RGS6: variants seen among roughly 807,000 people sequenced by gnomAD.
RGS6 encodes regulator of G-protein signaling 6.
Under a neutral mutation model 78.5 loss-of-function variants are expected in RGS6, and 30 were observed. That is an observed-to-expected ratio of 0.38 (90% CI 0.29 to 0.52). RGS6 has a LOEUF of 0.52. RGS6 is among the 20% of genes least tolerant of loss of function. The pLI, the probability that RGS6 is intolerant of heterozygous loss-of-function variation, is 0.85. For missense variants in RGS6, 495 were observed against 609.7 expected (o/e 0.81, Z 1.98); for synonymous variants, 206 against 206.0 (o/e 1.00, Z 0.00).
At chr14:72,561,025 T>C (rs1392562191) in intron 17 of RGS6, among the ~76,000 whole-genome samples, 9 of 151,568 alleles carry the variant, frequency 5.9e-5, no homozygotes, top group Admixed American at 5.2e-4. Flanking sequence ...AGGCTGGCCA[T>C]GCCTCTCCAT....
chr14:72,386,855 A>T lies in RGS6; in HGVS notation c.184+34661A>T, dbSNP rs76620914. On this transcript the variant is annotated intron_variant, in intron 3 of 17. Transcript: ENST00000553525. Reference sequence around the variant, plus strand: ...ATGCCATTCACTTGAAATTCTAAAAAAGGGCAAAACTATGTTGACAGAAAA... The same window carrying T: ...ATGCCATTCACTTGAAATTCTAAAATAGGGCAAAACTATGTTGACAGAAAA... Among the ~76,000 whole-genome samples the T allele has an allele frequency of 1.6e-3, 251 of 152,340 alleles. 2 individuals carry two copies. The highest frequency in any genetic ancestry group is 5.7e-3 in the African/African-American group (238 of 41,570).
At chr14:71,896,203 A>G in the RGS6 span, among the ~76,000 whole-genome samples, 7 of 152,206 alleles carry the variant, frequency 4.6e-5, no homozygotes, top group African/African-American at 1.7e-4. Context: ...AACTCCACAG[A>G]GTAAAGTGAA....
At chr14:72,279,783 G>T (rs1019830937) in intron 2 of RGS6, among the ~76,000 whole-genome samples, 3 of 152,154 alleles carry the variant, frequency 2.0e-5, no homozygotes, top group African/African-American at 7.2e-5. Flanking sequence ...GACAAGGGTG[G>T]CAATTGAGAT....
chr14:71,922,787 T>G, the RGS6 span, among the ~76,000 whole-genome samples: 2 of 152,154 alleles, frequency 1.3e-5, no homozygotes, highest in Non-Finnish European at 2.9e-5. Flanking sequence ...GGCCAGGTAT[T>G]TTGTAGACTG....
At position 72,387,962 on chromosome 14, in the gene RGS6, T is replaced by C. The variant is rs113477613; in HGVS notation, c.184+35768T>C. Among the ~76,000 whole-genome samples the C allele has an allele frequency of 3.0e-3, 459 of 152,326 alleles. 3 individuals carry two copies. Among genetic ancestry groups the C allele is most frequent in the African/African-American group, 0.011 (445 of 41,572 alleles). On this transcript the variant is annotated intron_variant, in intron 3 of 17. Transcript: ENST00000553525. ...GTGTCTGCATCCAAACTTCCTCTTC[T>C]TGTGGGGACACCAGTCATACTGGAT...
chr14:72,297,812 T>G (rs1384904244), intron 2 of RGS6, among the ~76,000 whole-genome samples: 1 of 152,056 alleles, frequency 6.6e-6, no homozygotes, highest in African/African-American at 2.4e-5. Context: ...TTTGAGGTTT[T>G]CAGTATATAT....
chr14:71,922,102 G>C, the RGS6 span, among the ~76,000 whole-genome samples: 2 of 152,142 alleles, frequency 1.3e-5, no homozygotes, highest in African/African-American at 4.8e-5. Flanking sequence ...GACCTAACAG[G>C]GTTCCAGACC....
intron 2 of RGS6, among the ~76,000 whole-genome samples, chr14:72,080,743 C>T (rs2094786947): frequency 6.6e-6 from 1 of 152,038 alleles, no homozygotes; most frequent in South Asian, 2.1e-4. Flanking sequence ...TGTGGATATC[C>T]AGTTTTCCCA....
At chr14:72,343,976 C>A (rs186062636) in intron 2 of RGS6, among the ~76,000 whole-genome samples, 2 of 152,186 alleles carry the variant, frequency 1.3e-5, no homozygotes, top group Non-Finnish European at 2.9e-5. Context: ...TGGCCATCTG[C>A]GGTCAGAGAT....
At chr14:72,250,310 G>T (rs948984802) in intron 2 of RGS6, among the ~76,000 whole-genome samples, 3 of 147,136 alleles carry the variant, frequency 2.0e-5, no homozygotes, top group Non-Finnish European at 4.5e-5. Flanking sequence ...TCTCTTTAAG[G>T]AAATTTTCCT....
chr14:72,480,240 T>C (rs1168692158), intron 12 of RGS6, among the ~76,000 whole-genome samples: 1 of 152,212 alleles, frequency 6.6e-6, no homozygotes, highest in Non-Finnish European at 1.5e-5. Context: ...CAATTTGTTA[T>C]ATCTTTGGGA....
the RGS6 span, among the ~76,000 whole-genome samples, chr14:71,919,084 T>G: frequency 6.6e-6 from 1 of 152,152 alleles, no homozygotes; most frequent in African/African-American, 2.4e-5. Flanking sequence ...GCTTTCTTCC[T>G]TTGTGCTCAT....
rs558384886 is a variant in RGS6 at position 72,293,866 on chromosome 14, A to C, written c.85-58229A>C. ...TATAGCACCAAAGTAGCCACAAATA[A>C]TAGTAAACAAATGGGCATGGCTCTG... On this transcript the variant is annotated intron_variant, in intron 2 of 17. Coordinates refer to ENST00000553525, the MANE Select transcript of RGS6 (RefSeq NM_001204424.2). Among the ~76,000 whole-genome samples, 17 of 152,366 alleles carry C rather than the reference A, an allele frequency of 1.1e-4. No individual in the cohort carries two copies. The East Asian group carries it at 3.3e-3, about 29-fold the overall frequency.
intron 1 of RGS6, among the ~76,000 whole-genome samples, chr14:71,951,835 C>T (rs2092349682): frequency 6.6e-6 from 1 of 151,992 alleles, no homozygotes; most frequent in African/African-American, 2.4e-5. Context: ...AATATATATT[C>T]CTAGTATTTG....
Position 72,196,906 on chromosome 14 carries a change from T to C in RGS6, c.85-155189T>C, listed in dbSNP as rs147484513. 3.2e-4 allele frequency among the ~76,000 whole-genome samples: 49 copies of C among 152,330 alleles called. 1 individual carries two copies. Among genetic ancestry groups the C allele is most frequent in the African/African-American group, 1.1e-3 (45 of 41,576 alleles). On this transcript the variant is annotated intron_variant, in intron 2 of 17. Transcript: ENST00000553525. ...CTGAAGCTGAGTTGGGCAAATGTTTTTGAGATCTGTAAATTCCCCAGAGAC... is the reference window on the plus strand; with the variant it reads ...CTGAAGCTGAGTTGGGCAAATGTTTCTGAGATCTGTAAATTCCCCAGAGAC...
chr14:72,279,534 C>A (rs1230232899), intron 2 of RGS6, among the ~76,000 whole-genome samples: 1 of 152,168 alleles, frequency 6.6e-6, no homozygotes, highest in Non-Finnish European at 1.5e-5. Flanking sequence ...TCTGAGAAAT[C>A]TAGTTGAGTC....
intron 2 of RGS6, among the ~76,000 whole-genome samples, chr14:72,332,998 C>G (rs890908521): frequency 1.3e-5 from 2 of 152,128 alleles, no homozygotes; most frequent in Non-Finnish European, 2.9e-5. Context: ...ATTTGTGTGG[C>G]AGTCTGCAGT....
intron 3 of RGS6, among the ~76,000 whole-genome samples, chr14:72,367,149 C>T (rs2082595824): frequency 6.6e-6 from 1 of 152,186 alleles, no homozygotes; most frequent in Non-Finnish European, 1.5e-5. Flanking sequence ...CCCATGATCT[C>T]ATGCACAAAA....
chr14:72,352,035 G>A, intron 2 of RGS6, 60 bp from the exon 3 acceptor site: 1 of 1,302,808 alleles, frequency 7.7e-7, no homozygotes, highest in Non-Finnish European at 1.1e-6. Flanking sequence ...GTTTAAAAAG[G>A]TACCATTTAT....
Sources: gnomAD v4.1 joint callset for allele counts (sites outside exome capture counted in the v4.1 genomes callset) on GRCh38, gnomAD v4.1.1 for gene constraint, MANE v1.5 for transcripts, NCBI Gene and HGNC (gene_info 2026-07-23, HGNC 2026-07-21) for gene names.